NOPCHAP1: variants seen among roughly 807,000 people sequenced by gnomAD.
NOPCHAP1 encodes the protein DNA damage-sensitive RNA 1.
In NOPCHAP1, 13 loss-of-function variants were observed where a neutral mutation model predicts 14.0. The ratio of observed to expected loss-of-function variants is 0.93; its 90% CI spans 0.60 to 1.47. The LOEUF (loss-of-function observed/expected upper bound fraction) is 1.47, where lower values mean the gene tolerates loss of function less well. Ranked by LOEUF, NOPCHAP1 falls within the 40% of genes most tolerant of loss-of-function variation. The probability of loss-of-function intolerance (pLI) is 0.00; values close to 1 mark genes in which losing one functional copy is unlikely to be tolerated. For missense variants in NOPCHAP1, 230 were observed against 226.9 expected (o/e 1.01, Z -0.09); for synonymous variants, 78 against 78.4 (o/e 1.00, Z 0.03).
rs202087919 is a variant in NOPCHAP1, at chr12:104,994,661, G to A, written c.523G>A (p.Val175Ile). 330 of 1,613,410 alleles carry A rather than the reference G, an allele frequency of 2.0e-4. 4 individuals are homozygous for A. Among genetic ancestry groups the A allele is most frequent in the Non-Finnish European group, 3.5e-5 (41 of 1,179,798 alleles). The change falls in exon 4 of 4, where the codon GTT becomes ATT. Residue 175 changes from valine to isoleucine, a missense_variant. Transcript: ENST00000552951. ...NSEGGKGKIE[V>I]LDSPASKKKK ...TGAAGGTGGAAAAGGCAAGATTGAA[G>A]TTTTGGACAGTCCAGCAAGTAAAAA...
In NOPCHAP1 at chr12:104,999,770, A is replaced by C. The variant is rs113950631; in HGVS notation, c.*5074A>C. On this transcript the variant is annotated 3_prime_UTR_variant, in exon 4 of 4. Transcript: ENST00000552951. ...CCAGATTCCAGAGGCCTGTGGTGGG[A>C]GTCAGTTGCTGCTTGCCTGCTCAAC... is the stretch of plus-strand genomic sequence containing the variant. The C allele has an allele frequency of 9.1e-3, 1,389 of 152,700 alleles. 13 individuals carry two copies. Among genetic ancestry groups the C allele is most frequent in the Non-Finnish European group, 0.012 (812 of 68,388 alleles). 9.5% of individuals were successfully genotyped at this position (152,700 alleles called of 1,614,324 possible). A position where few individuals can be genotyped will look rare whatever the true frequency, so the allele number is the denominator to read the frequency against.
chr12:105,016,705 A>G lies in NOPCHAP1; in HGVS notation c.*22009A>G, dbSNP rs975993659. ...AGCATAGGAAAGACCCGCCCCGATGATTCAGTTACCTCCCACCAGGTCCCT... is the reference window on the plus strand; with the variant it reads ...AGCATAGGAAAGACCCGCCCCGATGGTTCAGTTACCTCCCACCAGGTCCCT... On this transcript the variant is annotated 3_prime_UTR_variant, in exon 4 of 4. Coordinates refer to ENST00000552951, the MANE Select transcript of NOPCHAP1 (RefSeq NM_152318.3). 4 of 152,200 alleles carry G rather than the reference A, an allele frequency of 2.6e-5. No individual in the cohort carries two copies. The highest frequency in any genetic ancestry group is 9.7e-5 in the African/African-American group (4 of 41,440). 9.4% of individuals were successfully genotyped at this position (152,200 alleles called of 1,614,324 possible).
rs535539364 is a variant in NOPCHAP1, at chr12:104,986,384, C to T, written c.32C>T (p.Pro11Leu). 4.0e-5 allele frequency: 65 copies of T among 1,611,496 alleles called. No individual in the cohort carries two copies. The South Asian group carries it at 6.6e-4, about 16-fold the overall frequency. MEVHGKPKASPSCSSPTRDSS... is the reference protein window; with the variant it reads MEVHGKPKASLSCSSPTRDSS... ...GTCCATGGCAAGCCCAAGGCTAGCC[C>T]GAGTTGTTCGTCGCCCACCCGGGAT... Residue 11 changes from proline (P) to leucine (L), a missense_variant, in exon 1 of 4, where the codon CCG (proline) becomes CTG (leucine). Physicochemically the swap from Pro to Leu is moderately conservative, Grantham distance 98. Transcript: ENST00000552951.
rs1359144507 is a variant in NOPCHAP1 at position 105,010,422 on chromosome 12, A to C, written c.*15726A>C. On this transcript the variant is annotated 3_prime_UTR_variant, in exon 4 of 4. Coordinates refer to ENST00000552951, the MANE Select transcript of NOPCHAP1 (RefSeq NM_152318.3). ...TCTATTTTGTTAATCTTCTCAAAAA[A>C]CCAGCTCCTGGATTCGTGGATTTTT... 6.6e-6 allele frequency: 1 copy of C among 152,128 alleles called. No individual in the cohort carries two copies. Among genetic ancestry groups the C allele is most frequent in the Non-Finnish European group, 1.5e-5 (1 of 68,026 alleles). 9.4% of individuals were successfully genotyped at this position (152,128 alleles called of 1,614,324 possible).
In NOPCHAP1 at chr12:105,008,158, T is replaced by A. The variant is rs1873743841; in HGVS notation, c.*13462T>A. 2.0e-5 allele frequency: 3 copies of A among 152,168 alleles called. No individual in the cohort carries two copies. The South Asian group carries it at 6.2e-4, about 32-fold the overall frequency. The allele number at this position is 152,168 out of a possible 1,614,324, so 9.4% of individuals were successfully genotyped here. ...CTGTTTCTCCACATCCCCTCCAGCA[T>A]CTGTTGTTTCCTGACTTTTTAATGA... On this transcript the variant is annotated 3_prime_UTR_variant, in exon 4 of 4. Coordinates refer to ENST00000552951, the MANE Select transcript of NOPCHAP1 (RefSeq NM_152318.3).
rs1873720472 is a variant in NOPCHAP1 at position 105,006,894 on chromosome 12, A to G, written c.*12198A>G. 1 of 150,556 alleles carries G rather than the reference A, an allele frequency of 6.6e-6. No homozygotes were observed. The allele number at this position is 150,556 out of a possible 1,614,324, so 9.3% of individuals were successfully genotyped here. On this transcript the variant is annotated 3_prime_UTR_variant, in exon 4 of 4. Transcript: ENST00000552951. ...CGTTTGTGGCATTTTTTTTTTCCAG[A>G]TGAGGGTACTTCTGTTTGTATTTAA...
chr12:104,986,438 T>C lies in NOPCHAP1; in HGVS notation c.86T>C (p.Leu29Pro), dbSNP rs751516011. 12 of 1,607,896 alleles carry C rather than the reference T, an allele frequency of 7.5e-6. No individual in the cohort carries two copies. Among genetic ancestry groups the C allele is most frequent in the Non-Finnish European group, 9.4e-6 (11 of 1,176,462 alleles). The change falls in exon 1 of 4, where the codon CTG becomes CCG. Residue 29 changes from leucine to proline, a missense_variant. By Grantham distance (98) the Leu-to-Pro change is moderately conservative. Transcript: ENST00000552951. ...DSSGVPVSKELLTAGSDGRGG... is the reference protein window; with the variant it reads ...DSSGVPVSKEPLTAGSDGRGG... ...TCAGGAGTCCCAGTGTCCAAGGAGC[T>C]GCTGACGGCGGGAAGCGACGGCCGC...
chr12:104,993,165 T>A (rs1236002692), intron 3 of NOPCHAP1, among the ~76,000 whole-genome samples: 1 of 152,204 alleles, frequency 6.6e-6, no homozygotes, highest in Non-Finnish European at 1.5e-5. Flanking sequence ...ACATTATGCT[T>A]TATATGTATT....
In NOPCHAP1 at chr12:104,992,213, G is replaced by A. The variant is rs182531277; in HGVS notation, c.339+365G>A. ...GATTACATAAGCTATGTGCAAAAAT[G>A]TTCTCTCAGTTTATACTCATATCTT... On this transcript the variant is annotated intron_variant, in intron 3 of 3. Coordinates refer to ENST00000552951, the MANE Select transcript of NOPCHAP1 (RefSeq NM_152318.3). Among the ~76,000 whole-genome samples, 5 of 152,234 alleles carry A rather than the reference G, an allele frequency of 3.3e-5. No individual in the cohort carries two copies. The East Asian group carries it at 9.6e-4, about 29-fold the overall frequency.
At position 105,006,097 on chromosome 12, in the gene NOPCHAP1, A is replaced by G. The variant is rs1273255950; in HGVS notation, c.*11401A>G. ...CCACCTGCCCCACCTTTTTTGCCAC[A>G]TTCACAATCTCTTTCATGATTTCCT... On this transcript the variant is annotated 3_prime_UTR_variant, in exon 4 of 4. Coordinates refer to ENST00000552951, the MANE Select transcript of NOPCHAP1 (RefSeq NM_152318.3). The G allele has an allele frequency of 6.6e-6, 1 of 152,154 alleles. No individual in the cohort carries two copies. Among genetic ancestry groups the G allele is most frequent in the Non-Finnish European group, 1.5e-5 (1 of 68,018 alleles). The allele number at this position is 152,154 out of a possible 1,614,324, so 9.4% of individuals were successfully genotyped here.
rs1873553184 is a variant in NOPCHAP1, at chr12:104,999,007, G to A, written c.*4311G>A. The A allele has an allele frequency of 1.3e-5, 2 of 152,746 alleles. No homozygotes were observed. Among genetic ancestry groups the A allele is most frequent in the South Asian group, 2.1e-4 (1 of 4,858 alleles). 9.5% of individuals were successfully genotyped at this position (152,746 alleles called of 1,614,324 possible). ...GCACAGGGCGCAGGGCAGGTCCACT[G>A]GTCACTGTGCCTAGTTTTGCAGCTG... On this transcript the variant is annotated 3_prime_UTR_variant, in exon 4 of 4. Coordinates refer to ENST00000552951, the MANE Select transcript of NOPCHAP1 (RefSeq NM_152318.3).
Position 105,005,587 on chromosome 12 carries a change from C to G in NOPCHAP1, c.*10891C>G, listed in dbSNP as rs1364840609. ...CAGTCTGATTGGTTGCAGGAGGGGA[C>G]CAGAAGTACTTGCCATTTTTCATCT... On this transcript the variant is annotated 3_prime_UTR_variant, in exon 4 of 4. Transcript: ENST00000552951. The G allele has an allele frequency of 1.3e-5, 2 of 152,172 alleles. No individual in the cohort carries two copies. The highest frequency in any genetic ancestry group is 2.9e-5 in the Non-Finnish European group (2 of 68,052). 9.4% of individuals were successfully genotyped at this position (152,172 alleles called of 1,614,324 possible). A position where few individuals can be genotyped will look rare whatever the true frequency, so the allele number is the denominator to read the frequency against.
At position 105,016,343 on chromosome 12, in the gene NOPCHAP1, C is replaced by T. The variant is rs1319365461; in HGVS notation, c.*21647C>T. On this transcript the variant is annotated 3_prime_UTR_variant, in exon 4 of 4. Coordinates refer to ENST00000552951, the MANE Select transcript of NOPCHAP1 (RefSeq NM_152318.3). Reference sequence around the variant, plus strand: ...AACAGTAGCTGGTACTTACTGAGCCCTTTCTGTGTTAGCTACTAGTCTAAG... The same window carrying T: ...AACAGTAGCTGGTACTTACTGAGCCTTTTCTGTGTTAGCTACTAGTCTAAG... 3.3e-5 allele frequency: 5 copies of T among 152,186 alleles called. No individual in the cohort carries two copies. The highest frequency in any genetic ancestry group is 6.5e-5 in the Admixed American group (1 of 15,278). 9.4% of individuals were successfully genotyped at this position (152,186 alleles called of 1,614,324 possible). A position where few individuals can be genotyped will look rare whatever the true frequency, so the allele number is the denominator to read the frequency against.
chr12:104,987,915 A>T (rs148579870), intron 1 of NOPCHAP1, among the ~76,000 whole-genome samples: 130 of 152,300 alleles, frequency 8.5e-4, no homozygotes, highest in African/African-American at 3.0e-3. Context: ...AGAAAAGTGC[A>T]GATTGGTGTG....
chr12:104,986,341 C>G lies in NOPCHAP1; in HGVS notation c.-12C>G, dbSNP rs750362571. The G allele has an allele frequency of 2.2e-5, 35 of 1,600,424 alleles. 1 individual carries two copies. In the Middle Eastern group the frequency reaches 4.5e-3, roughly 204 times the overall value. On this transcript the variant is annotated 5_prime_UTR_variant, in exon 1 of 4. Transcript: ENST00000552951. ...CTGCATCCGGGCCTGAGAGTGCAGG[C>G]TTGAGGGAAGCATGGAGGTCCATGG...
In NOPCHAP1 at chr12:104,991,855, ATGCTT is replaced by A. The variant is rs1873384299; in HGVS notation, c.339+10_339+14del. The A allele has an allele frequency of 6.3e-7, 1 of 1,597,652 alleles. No homozygotes were observed. The highest frequency in any genetic ancestry group is 1.8e-5 in the Admixed American group (1 of 55,354). ...TAGTAAAGTTATACAAATGGTAACT[ATGCTT>A]TGTTTTCATATGGTGAAATTACTGG... On this transcript the variant is annotated splice_region_variant and intron_variant, in intron 3 of 3. Coordinates refer to ENST00000552951, the MANE Select transcript of NOPCHAP1 (RefSeq NM_152318.3).
chr12:104,994,356 C>T lies in NOPCHAP1; in HGVS notation c.340-122C>T. The T allele has an allele frequency of 3.0e-6, 3 of 994,648 alleles. 1 individual carries two copies. The South Asian group carries it at 4.0e-5, about 13-fold the overall frequency. 61.6% of individuals were successfully genotyped at this position (994,648 alleles called of 1,614,324 possible). A position where few individuals can be genotyped will look rare whatever the true frequency, so the allele number is the denominator to read the frequency against. On this transcript the variant is annotated intron_variant, in intron 3 of 3. Coordinates refer to ENST00000552951, the MANE Select transcript of NOPCHAP1 (RefSeq NM_152318.3). ...AGCAAGACTCTGTCTCCAAAAAAAA[C>T]CAAATTCTTATCCTTTATGTTTCAA... is the stretch of plus-strand genomic sequence containing the variant.
At chr12:104,991,329 G>A (rs1873369812) in intron 2 of NOPCHAP1, among the ~76,000 whole-genome samples, 1 of 152,128 alleles carries the variant, frequency 6.6e-6, no homozygotes, top group Admixed American at 6.5e-5. Context: ...TAATTAACTG[G>A]CCCAAGGTAA....
Position 105,016,000 on chromosome 12 carries a change from T to G in NOPCHAP1, c.*21304T>G, listed in dbSNP as rs1592754158. The G allele has an allele frequency of 7.0e-6, 1 of 143,516 alleles. No homozygotes were observed. The highest frequency in any genetic ancestry group is 2.0e-4 in the East Asian group (1 of 5,042). The allele number at this position is 143,516 out of a possible 1,614,324, so 8.9% of individuals were successfully genotyped here. ...AGTCAAGAAAGGTTTTTTTTTTTTTTTTTAAAAAGCATAACATCAAAGCCT... is the reference window on the plus strand; with the variant it reads ...AGTCAAGAAAGGTTTTTTTTTTTTTGTTTAAAAAGCATAACATCAAAGCCT... On this transcript the variant is annotated 3_prime_UTR_variant, in exon 4 of 4. Coordinates refer to ENST00000552951, the MANE Select transcript of NOPCHAP1 (RefSeq NM_152318.3).
Sources: allele counts gnomAD v4.1 joint callset (sites outside exome capture counted in the v4.1 genomes callset), GRCh38; gene constraint gnomAD v4.1.1; transcripts MANE v1.5; gene names NCBI Gene and HGNC (gene_info 2026-07-23, HGNC 2026-07-21).